HHIPL1: variants seen among roughly 807,000 people sequenced by gnomAD.
The protein encoded by HHIPL1 is HHIP like 1.
In HHIPL1, 43 loss-of-function variants were observed where a neutral mutation model predicts 61.8. That is an observed-to-expected ratio of 0.70 (90% confidence interval 0.55 to 0.90). The LOEUF (loss-of-function observed/expected upper bound fraction) is 0.90, where lower values mean the gene tolerates loss of function less well. Among genes scored for constraint, HHIPL1 ranks in the 40% least tolerant of loss-of-function variants. HHIPL1 has a pLI of 0.00. For synonymous variants in HHIPL1, 482 were observed against 515.8 expected, an observed-to-expected ratio of 0.93 and a Z score of 0.89; for missense variants, 1,056 against 1,157.7, an observed-to-expected ratio of 0.91 and a Z score of 1.28.
chr14:99,659,508 AC>A lies in HHIPL1; in HGVS notation c.1130del (p.Pro377ArgfsTer113). ...CTGCCCTACGGCATCCCGCCCGACA[AC>A]CCGTTCGTGGGCGACCCCGCGGCGC... ...RGLPYGIPPD[N>X]PFVGDPAAQP... On this transcript the variant is annotated frameshift_variant, in exon 4 of 9. Coordinates refer to ENST00000330710, the MANE Select transcript of HHIPL1 (RefSeq NM_001127258.3). LOFTEE classifies it high-confidence loss of function. The A allele has an allele frequency of 5.8e-6, 9 of 1,541,776 alleles. No homozygotes were observed. The highest frequency in any genetic ancestry group is 7.8e-6 in the Non-Finnish European group (9 of 1,148,242).
chr14:99,660,246 G>A lies in HHIPL1; in HGVS notation c.1376-34G>A. 6.2e-7 allele frequency: 1 copy of A among 1,613,120 alleles called. No homozygotes were observed. The highest frequency in any genetic ancestry group is 8.5e-7 in the Non-Finnish European group (1 of 1,179,754). ...TGGCTGATGAACCTTCCCGCCGCTG[G>A]CTCACCGAAGCTTCTCTCCCTCCCA... On this transcript the variant is annotated intron_variant, in intron 4 of 8. Transcript: ENST00000330710. This position sits in a 1 kb window ranked among gnomAD's most constrained non-coding sequence, Gnocchi z 4.9.
At chr14:99,626,343 G>T in the HHIPL1 span, among the ~76,000 whole-genome samples, 5 of 152,116 alleles carry the variant, frequency 3.3e-5, no homozygotes, top group Non-Finnish European at 5.9e-5. Flanking sequence ...TGCAAAACAT[G>T]TTCCCAGCTT....
intron 2 of HHIPL1, among the ~76,000 whole-genome samples, chr14:99,653,503 T>A (rs755621959): frequency 2.0e-5 from 3 of 152,126 alleles, no homozygotes; most frequent in Non-Finnish European, 4.4e-5. Flanking sequence ...TGGCTAATTT[T>A]TTGTATTTCA....
chr14:99,630,291 A>C, the HHIPL1 span, among the ~76,000 whole-genome samples: 4 of 152,284 alleles, frequency 2.6e-5, no homozygotes, highest in African/African-American at 9.6e-5. Context: ...GGTTAATAAC[A>C]AGGGAGAGGA....
chr14:99,638,862 T>G, the HHIPL1 span, among the ~76,000 whole-genome samples: 1 of 152,224 alleles, frequency 6.6e-6, no homozygotes, highest in Non-Finnish European at 1.5e-5. Context: ...GTTGCCCTGG[T>G]GGTGCACATC....
In HHIPL1 at chr14:99,668,334, C is replaced by A; in HGVS notation, c.1730+31C>A. 7.3e-7 allele frequency: 1 copy of A among 1,360,936 alleles called. No individual in the cohort carries two copies. The highest frequency in any genetic ancestry group is 1.1e-6 in the Non-Finnish European group (1 of 949,672). The allele number at this position is 1,360,936 out of a possible 1,614,324, so 84.3% of individuals were successfully genotyped here. ...TCCCAGCCTCCAGGACAGGGAGCTC[C>A]TGCTGTCTGTCAGGCCTCTTAGCTC... On this transcript the variant is annotated intron_variant, in intron 7 of 8. Coordinates refer to ENST00000330710, the MANE Select transcript of HHIPL1 (RefSeq NM_001127258.3). This position sits in a 1 kb window ranked among gnomAD's most constrained non-coding sequence, Gnocchi z 4.7.
At chr14:99,606,442 G>C in the HHIPL1 span, among the ~76,000 whole-genome samples, 90,947 of 152,132 alleles carry the variant, frequency 0.6, 29,121 homozygotes, top group South Asian at 0.8. Context: ...CCTGGAGATC[G>C]AAGCGTAAAC....
chr14:99,635,713 A>C, the HHIPL1 span, among the ~76,000 whole-genome samples: 336 of 152,232 alleles, frequency 2.2e-3, 5 homozygotes, highest in Admixed American at 0.013. Context: ...CCACAGACAC[A>C]AGGCAGTCCA....
At chr14:99,661,421 A>AAAAGGAAGGAAGGAAG (rs2056151167) in intron 5 of HHIPL1, among the ~76,000 whole-genome samples, 1 of 143,406 alleles carries the variant, frequency 7.0e-6, no homozygotes, top group Non-Finnish European at 1.5e-5. Context: ...GAGAGAGAAA[A>AAAAGGAAGGAAGGAAG]GAAGGAAGGA....
intron 1 of HHIPL1, among the ~76,000 whole-genome samples, chr14:99,649,276 G>A (rs2055889429): frequency 6.6e-6 from 1 of 152,308 alleles, no homozygotes; most frequent in African/African-American, 2.4e-5. Context: ...GTGAACGGAG[G>A]GCTCTCGTTG....
chr14:99,672,293 TA>T (rs1255388274), intron 7 of HHIPL1, 23 bp from the exon 8 acceptor site: 2 of 1,549,324 alleles, frequency 1.3e-6, no homozygotes, highest in African/African-American at 2.7e-5. Flanking sequence ...GTGAGACTCA[TA>T]ACCTCCTGTG....
the HHIPL1 span, among the ~76,000 whole-genome samples, chr14:99,611,293 AT>A: frequency 0.11 from 13,907 of 127,314 alleles, 600 homozygotes; most frequent in Middle Eastern, 0.14. Flanking sequence ...ACCACCTGTA[AT>A]TTTTTTTTTT....
chr14:99,604,544 G>A, the HHIPL1 span: 1 of 152,126 alleles, frequency 6.6e-6, no homozygotes, highest in Non-Finnish European at 1.5e-5. Context: ...GGCTCCCGGC[G>A]GTTCAAGTTT....
At chr14:99,637,064 AAGAAAGAAAGAGAG>A in the HHIPL1 span, among the ~76,000 whole-genome samples, 2 of 119,080 alleles carry the variant, frequency 1.7e-5, no homozygotes, top group Admixed American at 9.6e-5. Context: ...GGAAGGAAAA[AAGAAAGAAAGAGAG>A]AGAAAGAAAG....
Position 99,679,555 on chromosome 14 carries a change from A to C in HHIPL1, c.*3929A>C, listed in dbSNP as rs1280711535. 1 of 152,258 alleles carries C rather than the reference A, an allele frequency of 6.6e-6. No individual in the cohort carries two copies. Among genetic ancestry groups the C allele is most frequent in the African/African-American group, 2.4e-5 (1 of 41,468 alleles). The allele number at this position is 152,258 out of a possible 1,614,324, so 9.4% of individuals were successfully genotyped here. A position where few individuals can be genotyped will look rare whatever the true frequency, so the allele number is the denominator to read the frequency against. ...ACATCCCAGGCCCTAGACTGAGCCT[A>C]GGGGTCACCATGTTGATACCTTAGA... On this transcript the variant is annotated 3_prime_UTR_variant, in exon 9 of 9. Transcript: ENST00000330710.
the HHIPL1 span, among the ~76,000 whole-genome samples, chr14:99,617,526 G>GA: frequency 6.6e-6 from 1 of 152,210 alleles, no homozygotes; most frequent in Non-Finnish European, 1.5e-5. Context: ...GGGGAGTGGG[G>GA]AAAGGGAGGG....
rs756878037 is a variant in HHIPL1, at chr14:99,668,251, C to T, written c.1678C>T (p.Pro560Ser). ...GCTGTACTTCATGTCGACAGGGGAGCCGAGTGCCACAGCTCCACGCGGAGT... is the reference window on the plus strand; with the variant it reads ...GCTGTACTTCATGTCGACAGGGGAGTCGAGTGCCACAGCTCCACGCGGAGT... Reference protein sequence around the residue: ...GELYFMSTGEPSATAPRGVVY... With the variant: ...GELYFMSTGESSATAPRGVVY... Residue 560 changes from proline to serine, a missense_variant, in exon 7 of 9, where the codon CCG (proline) becomes TCG (serine). By Grantham distance (74) the Pro-to-Ser change is moderately conservative. Transcript: ENST00000330710. The surrounding 1 kb of genome is among the most constrained non-coding windows in gnomAD (Gnocchi z 4.7). The T allele has an allele frequency of 1.2e-6, 2 of 1,612,312 alleles. No homozygotes were observed. Among genetic ancestry groups the T allele is most frequent in the Non-Finnish European group, 8.5e-7 (1 of 1,178,450 alleles).
In HHIPL1 at chr14:99,667,269, AC is replaced by A. The variant is rs1320649473; in HGVS notation, c.1649-951del. On this transcript the variant is annotated intron_variant, in intron 6 of 8. Transcript: ENST00000330710. ...TTTCCTGAGTTCTGGTCCTGGCTTA[AC>A]CATTCACTAGCTGTGTGACTTAGGA... 3.3e-5 allele frequency among the ~76,000 whole-genome samples: 5 copies of A among 150,734 alleles called. No homozygotes were observed. In the East Asian group the frequency reaches 9.7e-4, roughly 29 times the overall value.
At chr14:99,665,843 G>A (rs1436999575) in intron 6 of HHIPL1, among the ~76,000 whole-genome samples, 2 of 152,288 alleles carry the variant, frequency 1.3e-5, no homozygotes, top group African/African-American at 2.4e-5. Flanking sequence ...GTACAGTGGT[G>A]TGATCTCGGC....
Sources: gnomAD v4.1 joint callset for allele counts (sites outside exome capture counted in the v4.1 genomes callset) on GRCh38, gnomAD v4.1.1 for gene constraint, Gnocchi (gnomAD v3.1) non-coding constraint, MANE v1.5 for transcripts, NCBI Gene and HGNC (gene_info 2026-07-23, HGNC 2026-07-21) for gene names.